The following ATAD3C variants were observed in gnomAD, a reference collection of about 807,000 sequenced individuals.
ATAD3C encodes the protein ATPase family AAA domain-containing protein 3C.
Under a neutral mutation model 46.3 loss-of-function variants are expected in ATAD3C, and 38 were observed. That is an observed-to-expected ratio of 0.82 (90% CI 0.63 to 1.08). The LOEUF (loss-of-function observed/expected upper bound fraction) is 1.08. ATAD3C is among the 50% of genes least tolerant of loss of function. The pLI, the probability that ATAD3C is intolerant of heterozygous loss-of-function variation, is 0.00. For missense variants in ATAD3C, 563 were observed against 572.7 expected (o/e 0.98, Z 0.17); for synonymous variants, 220 against 236.4 (o/e 0.93, Z 0.63).
chr1:1,463,806 G>A (rs1385109838), intron 11 of ATAD3C, among the ~76,000 whole-genome samples: 1 of 151,962 alleles, frequency 6.6e-6, no homozygotes, highest in African/African-American at 2.4e-5. Flanking sequence ...CAGCTGCTTG[G>A]GAGGCTGAGG....
chr1:1,463,092 G>A (rs942088986), intron 11 of ATAD3C, among the ~76,000 whole-genome samples: 1 of 152,070 alleles, frequency 6.6e-6, no homozygotes, highest in Non-Finnish European at 1.5e-5. Flanking sequence ...GGGACGTTGT[G>A]TTTCTTGGAC....
At chr1:1,458,126 G>T (rs554541152) in intron 8 of ATAD3C, among the ~76,000 whole-genome samples, 10 of 151,010 alleles carry the variant, frequency 6.6e-5, no homozygotes, top group East Asian at 1.9e-4. Flanking sequence ...TTACAGGTGT[G>T]TGCCACCACA....
chr1:1,460,746 G>T lies in ATAD3C; in HGVS notation c.813-4G>T. The T allele has an allele frequency of 6.3e-7, 1 of 1,598,112 alleles. No homozygotes were observed. The highest frequency in any genetic ancestry group is 1.3e-5 in the African/African-American group (1 of 74,538). Reference sequence around the variant, plus strand: ...GCGTTTCCTTCCCCATCCCCGCCCCGCAGATTCATGCTGATCCTGGCCAGC... The same window carrying T: ...GCGTTTCCTTCCCCATCCCCGCCCCTCAGATTCATGCTGATCCTGGCCAGC... On this transcript the variant is annotated splice_region_variant and splice_polypyrimidine_tract_variant and intron_variant, in intron 9 of 11. Transcript: ENST00000378785.
intron 11 of ATAD3C, among the ~76,000 whole-genome samples, chr1:1,466,409 T>G (rs529837509): frequency 4.8e-4 from 72 of 150,934 alleles, no homozygotes; most frequent in African/African-American, 1.6e-3. Context: ...AAAAATTAGC[T>G]GGGTGTGGTG....
At chr1:1,454,722 C>T (rs1485989714) in intron 4 of ATAD3C, among the ~76,000 whole-genome samples, 1 of 151,808 alleles carries the variant, frequency 6.6e-6, no homozygotes, top group African/African-American at 2.4e-5. Flanking sequence ...CTGCTCAGGG[C>T]TCTTGATGGG....
rs1406756316 is a variant in ATAD3C, at chr1:1,454,176, C to T, written c.223-169C>T. 7.9e-5 allele frequency among the ~76,000 whole-genome samples: 12 copies of T among 152,190 alleles called. No individual in the cohort carries two copies. The East Asian group carries it at 9.6e-4, about 12-fold the overall frequency. ...GACTGCCCCACCTGCCTCCTGTAAC[C>T]GCGTGGCTGTGGGATTCGGGGCTGG... is the stretch of plus-strand genomic sequence containing the variant. On this transcript the variant is annotated intron_variant, in intron 3 of 11. Transcript: ENST00000378785.
At position 1,460,934 on chromosome 1, in the gene ATAD3C, A is replaced by G; in HGVS notation, c.980+17A>G. 1 of 1,591,382 alleles carries G rather than the reference A, an allele frequency of 6.3e-7. No homozygotes were observed. The highest frequency in any genetic ancestry group is 1.1e-5 in the South Asian group (1 of 87,188). ...AGGAAAGCGGTAAGTGTCCCGCCCC[A>G]CCAGCCCCCGTCCAGGGGCCCTCGC... On this transcript the variant is annotated intron_variant, in intron 10 of 11. Coordinates refer to ENST00000378785, the MANE Select transcript of ATAD3C (RefSeq NM_001039211.3).
At position 1,468,491 on chromosome 1, in the gene ATAD3C, G is replaced by C. The variant is rs370712140; in HGVS notation, c.1197G>C (p.Gly399=). ...QHQQMMRWLK[G]ERPGPEDEQP... ...AGCAGATGATGCGCTGGCTGAAGGG[G>C]GAGAGGCCTGGGCCCGAGGACGAGC... The change falls in exon 12 of 12, where the codon GGG becomes GGC. Residue 399 remains glycine, a synonymous_variant. Coordinates refer to ENST00000378785, the MANE Select transcript of ATAD3C (RefSeq NM_001039211.3). 5.5e-4 allele frequency: 892 copies of C among 1,611,474 alleles called. 28 individuals carry two copies. In the South Asian group the frequency reaches 8.6e-3, roughly 15 times the overall value.
intron 3 of ATAD3C, among the ~76,000 whole-genome samples, chr1:1,454,137 A>C (rs747089645): frequency 5.9e-5 from 9 of 152,018 alleles, no homozygotes; most frequent in Admixed American, 2.0e-4. Flanking sequence ...AATGGCCCTG[A>C]GTGAGGGCGC....
intron 4 of ATAD3C, 126 bp from the exon 5 acceptor site, chr1:1,455,334 T>A (rs2100477053): frequency 7.3e-7 from 1 of 1,366,306 alleles, no homozygotes; most frequent in African/African-American, 1.5e-5. Context: ...GGGTTCCAGC[T>A]CCAGGCCGGT....
chr1:1,460,942 C>T, intron 10 of ATAD3C, 25 bp downstream of exon 10: 2 of 1,587,668 alleles, frequency 1.3e-6, no homozygotes, highest in East Asian at 4.5e-5. Flanking sequence ...CCACCAGCCC[C>T]CGTCCAGGGG....
intron 1 of ATAD3C, among the ~76,000 whole-genome samples, chr1:1,451,641 C>T (rs545578362): frequency 3.9e-5 from 6 of 152,242 alleles, no homozygotes; most frequent in Admixed American, 1.3e-4. Context: ...CCACGGTGCC[C>T]GGCCGGTCAC....
chr1:1,457,325 A>T (rs560156722), intron 8 of ATAD3C, 145 bp downstream of exon 8: 21 of 1,355,276 alleles, frequency 1.5e-5, no homozygotes, highest in African/African-American at 1.1e-4. Flanking sequence ...CCAGGTGTGG[A>T]GGCTCACGCC....
chr1:1,462,655 C>T lies in ATAD3C; in HGVS notation c.1036C>T (p.Leu346=), dbSNP rs186498073. The T allele has an allele frequency of 4.4e-6, 7 of 1,607,284 alleles. No individual in the cohort carries two copies. The African/African-American group carries it at 9.3e-5, about 21-fold the overall frequency. ...YGRKCLEIAR[L]TEGMSCRKIA... ...GAGGAAGTGCTTAGAGATCGCTCGGCTGACAGAGGGCATGTCATGCCGGAA... is the reference window on the plus strand; with the variant it reads ...GAGGAAGTGCTTAGAGATCGCTCGGTTGACAGAGGGCATGTCATGCCGGAA... The change falls in exon 11 of 12, where the codon CTG becomes TTG. Residue 346 remains leucine, a synonymous_variant. Coordinates refer to ENST00000378785, the MANE Select transcript of ATAD3C (RefSeq NM_001039211.3). The surrounding 1 kb of genome is among the most constrained non-coding windows in gnomAD (Gnocchi z 4.5).
chr1:1,450,810 C>T lies in ATAD3C; in HGVS notation c.75+52C>T, dbSNP rs796292806. ...GGCCGGGGCACACATGGGGTTCGGG[C>T]GTGGAGATTGGTAGGGCTACTGCCG... is the stretch of plus-strand genomic sequence containing the variant. On this transcript the variant is annotated intron_variant, in intron 1 of 11. Coordinates refer to ENST00000378785, the MANE Select transcript of ATAD3C (RefSeq NM_001039211.3). 16 of 1,605,928 alleles carry T rather than the reference C, an allele frequency of 1.0e-5. No individual in the cohort carries two copies. The African/African-American group carries it at 1.7e-4, about 17-fold the overall frequency.
chr1:1,462,426 AG>A lies in ATAD3C; in HGVS notation c.981-173del. 2 of 644,086 alleles carry A rather than the reference AG, an allele frequency of 3.1e-6. No homozygotes were observed. The highest frequency in any genetic ancestry group is 5.3e-6 in the Non-Finnish European group (2 of 376,552). 39.9% of individuals were successfully genotyped at this position (644,086 alleles called of 1,614,324 possible). The stretch of plus-strand genomic sequence containing the variant: ...CCCCACAGCCGCCCCCTTCCTGCTC[AG>A]CCCAGGCCTGGCTTGCGTCAGGAAG... On this transcript the variant is annotated intron_variant, in intron 10 of 11. Transcript: ENST00000378785. The surrounding 1 kb of genome is among the most constrained non-coding windows in gnomAD (Gnocchi z 4.5).
intron 3 of ATAD3C, among the ~76,000 whole-genome samples, chr1:1,452,909 A>C (rs1781145): frequency 0.43 from 65,668 of 151,684 alleles, 20,573 homozygotes; most frequent in East Asian, 0.99. Context: ...TGAAGTTCAC[A>C]GATTCCTCTC....
intron 10 of ATAD3C, 101 bp downstream of exon 10, chr1:1,461,018 T>A (rs979137940): frequency 7.2e-7 from 1 of 1,380,180 alleles, no homozygotes; most frequent in African/African-American, 1.5e-5. Context: ...GTCTCCAGGA[T>A]GGGCACCACC....
intron 1 of ATAD3C, among the ~76,000 whole-genome samples, chr1:1,451,714 C>T (rs1175330013): frequency 6.6e-6 from 1 of 152,032 alleles, no homozygotes; most frequent in Non-Finnish European, 1.5e-5. Context: ...GTAGCTTTAA[C>T]GTTTAATTGG....
Sources: allele counts gnomAD v4.1 joint callset (sites outside exome capture counted in the v4.1 genomes callset), GRCh38; gene constraint gnomAD v4.1.1; non-coding constraint Gnocchi (gnomAD v3.1); transcripts MANE v1.5; gene names NCBI Gene and HGNC (gene_info 2026-07-23, HGNC 2026-07-21).